The following PHACTR3 variants were observed in gnomAD, a reference collection of about 807,000 sequenced individuals.
The protein encoded by PHACTR3 is protein phosphatase 1, regulatory subunit 123.
PHACTR3 carries 16 observed loss-of-function variants against 66.8 expected under a neutral mutation model. The observed-to-expected ratio is 0.24, with a 90% CI of 0.16 to 0.36. The LOEUF is 0.36. Ranked by LOEUF, PHACTR3 falls within the 10% of genes least tolerant of loss-of-function variation. The pLI is 1.00. For synonymous variants in PHACTR3, 323 were observed against 292.1 expected (o/e 1.11, Z -1.08); for missense variants, 647 against 719.9 (o/e 0.90, Z 1.16).
At chr20:59,665,454 A>T (rs913500208) in intron 1 of PHACTR3, among the ~76,000 whole-genome samples, 1 of 152,182 alleles carries the variant, frequency 6.6e-6, no homozygotes, top group African/African-American at 2.4e-5. Flanking sequence ...TACTTAAAGA[A>T]CCCGAAGGTC....
chr20:59,664,431 G>A (rs752513688), intron 1 of PHACTR3, among the ~76,000 whole-genome samples: 1 of 152,128 alleles, frequency 6.6e-6, no homozygotes, highest in African/African-American at 2.4e-5. Context: ...TTGTCCTCCC[G>A]CCCTCCTGGA....
chr20:59,786,328 C>T (rs2040913348), intron 7 of PHACTR3, among the ~76,000 whole-genome samples: 1 of 152,244 alleles, frequency 6.6e-6, no homozygotes, highest in African/African-American at 2.4e-5. Context: ...CAAAAAAGGT[C>T]ATGGTGATCC....
intron 11 of PHACTR3, among the ~76,000 whole-genome samples, chr20:59,841,884 C>T (rs1054299131): frequency 3.9e-5 from 6 of 152,048 alleles, no homozygotes; most frequent in African/African-American, 1.2e-4. Context: ...AATGTCAAGA[C>T]TGTGGAAATT....
In PHACTR3 at chr20:59,813,365, TG is replaced by T. The variant is rs373714451; in HGVS notation, c.1328+7173del. ...TGCCTTCTGCCTCAGGGTTAATCCATGGCTGCTGGGATGGAAGGTAGCATTT... is the reference window on the plus strand; with the variant it reads ...TGCCTTCTGCCTCAGGGTTAATCCATGCTGCTGGGATGGAAGGTAGCATTT... On this transcript the variant is annotated intron_variant, in intron 8 of 12. Transcript: ENST00000371015. Among the ~76,000 whole-genome samples the T allele has an allele frequency of 9.2e-4, 140 of 152,326 alleles. 3 individuals carry two copies. The South Asian group carries it at 0.027, about 30-fold the overall frequency.
chr20:59,688,503 G>A (rs2036982965), intron 1 of PHACTR3, among the ~76,000 whole-genome samples: 1 of 152,166 alleles, frequency 6.6e-6, no homozygotes, highest in Admixed American at 6.5e-5. Flanking sequence ...TTCTGAGAAT[G>A]TTGTCAGTGA....
intron 1 of PHACTR3, among the ~76,000 whole-genome samples, chr20:59,633,286 C>T (rs189512024): frequency 7.9e-5 from 12 of 152,150 alleles, no homozygotes; most frequent in South Asian, 2.1e-4. Flanking sequence ...ATAAAGAAAA[C>T]GTGGTACATA....
At position 59,634,308 on chromosome 20, in the gene PHACTR3, A is replaced by G. The variant is rs73301466; in HGVS notation, c.118+29176A>G. ...CAGCCTCTGCACTTAGGTTGGTTACATCACCTCTCCAACTCCGTTCCCTCC... is the reference window on the plus strand; with the variant it reads ...CAGCCTCTGCACTTAGGTTGGTTACGTCACCTCTCCAACTCCGTTCCCTCC... On this transcript the variant is annotated intron_variant, in intron 1 of 12. Coordinates refer to ENST00000371015, the MANE Select transcript of PHACTR3 (RefSeq NM_080672.5). 9.2e-3 allele frequency among the ~76,000 whole-genome samples: 1,400 copies of G among 152,342 alleles called. 26 individuals carry two copies. The highest frequency in any genetic ancestry group is 0.031 in the African/African-American group (1,306 of 41,562).
chr20:59,708,619 T>A (rs1271805947), intron 1 of PHACTR3, among the ~76,000 whole-genome samples: 1 of 152,178 alleles, frequency 6.6e-6, no homozygotes, highest in Non-Finnish European at 1.5e-5. Flanking sequence ...TCCCCAGATA[T>A]TTAGGTCCTG....
At chr20:59,766,924 G>T (rs1243282799) in intron 4 of PHACTR3, among the ~76,000 whole-genome samples, 1 of 152,192 alleles carries the variant, frequency 6.6e-6, no homozygotes, top group Non-Finnish European at 1.5e-5. Context: ...TGAGGTGGGA[G>T]CTGTGGCATG....
At chr20:59,712,059 T>G (rs2037931266) in intron 1 of PHACTR3, among the ~76,000 whole-genome samples, 2 of 152,192 alleles carry the variant, frequency 1.3e-5, no homozygotes, top group South Asian at 2.1e-4. Flanking sequence ...AATGAAAAGT[T>G]TTAAAAATTC....
intron 8 of PHACTR3, among the ~76,000 whole-genome samples, chr20:59,818,151 G>A (rs145017942): frequency 0.028 from 4,327 of 152,270 alleles, 92 homozygotes; most frequent in Non-Finnish European, 0.04. Context: ...ACAGTGCACC[G>A]CTGAGAAGTC....
chr20:59,726,110 A>G (rs577026038), intron 1 of PHACTR3, among the ~76,000 whole-genome samples: 10 of 152,350 alleles, frequency 6.6e-5, no homozygotes, highest in Non-Finnish European at 2.9e-5. Context: ...CCAGTTGACA[A>G]TCCCCACAGC....
chr20:59,732,071 C>T (rs1201935758), intron 1 of PHACTR3, among the ~76,000 whole-genome samples: 2 of 152,112 alleles, frequency 1.3e-5, no homozygotes, highest in African/African-American at 4.8e-5. Context: ...CAACTGAATA[C>T]GATTTCTTCC....
chr20:59,602,058 C>A (rs1415165063), upstream of PHACTR3, among the ~76,000 whole-genome samples: 1 of 152,140 alleles, frequency 6.6e-6, no homozygotes, highest in Middle Eastern at 3.2e-3. Context: ...ATAGAAAGTT[C>A]CTTCCATTCT....
intron 1 of PHACTR3, among the ~76,000 whole-genome samples, chr20:59,629,277 C>T (rs1391841852): frequency 2.0e-5 from 3 of 152,202 alleles, no homozygotes; most frequent in African/African-American, 7.2e-5. Context: ...CAGGCCTCTG[C>T]TTCTCTGGTG....
At chr20:59,677,544 C>T (rs1207264314) in intron 1 of PHACTR3, among the ~76,000 whole-genome samples, 2 of 152,182 alleles carry the variant, frequency 1.3e-5, no homozygotes, top group African/African-American at 4.8e-5. Flanking sequence ...TTGGAAGCAA[C>T]ATTGGTTTCC....
chr20:59,670,609 G>GC (rs958469220), intron 1 of PHACTR3, among the ~76,000 whole-genome samples: 71 of 136,688 alleles, frequency 5.2e-4, no homozygotes, highest in African/African-American at 1.7e-3. Flanking sequence ...CGGGGGTGGG[G>GC]GGGGGGGGCA....
Position 59,701,083 on chromosome 20 carries a change from C to T in PHACTR3, c.119-42024C>T, listed in dbSNP as rs536667031. ...CTGTAATTACATGTGTGTACCATTG[C>T]GTCCAGCTCTTTTTCCTTTTTATAA... On this transcript the variant is annotated intron_variant, in intron 1 of 12. Transcript: ENST00000371015. Among the ~76,000 whole-genome samples the T allele has an allele frequency of 5.3e-5, 8 of 152,308 alleles. No individual in the cohort carries two copies. In the East Asian group the frequency reaches 1.2e-3, roughly 22 times the overall value.
chr20:59,713,444 A>G lies in PHACTR3; in HGVS notation c.119-29663A>G, dbSNP rs376250889. ...CACCCAGGTATTCCCAGAGAGAACCACTGTCTTAATTTACATCGTCTTGAT... is the reference window on the plus strand; with the variant it reads ...CACCCAGGTATTCCCAGAGAGAACCGCTGTCTTAATTTACATCGTCTTGAT... On this transcript the variant is annotated intron_variant, in intron 1 of 12. Transcript: ENST00000371015. Among the ~76,000 whole-genome samples the G allele has an allele frequency of 2.0e-4, 30 of 152,284 alleles. No individual in the cohort carries two copies. The East Asian group carries it at 2.5e-3, about 13-fold the overall frequency.
Sources: gnomAD v4.1 joint callset for allele counts (sites outside exome capture counted in the v4.1 genomes callset) on GRCh38, gnomAD v4.1.1 for gene constraint, MANE v1.5 for transcripts, NCBI Gene and HGNC (gene_info 2026-07-23, HGNC 2026-07-21) for gene names.